The following NAV2 variants were observed in gnomAD, a reference collection of about 807,000 sequenced individuals.
NAV2 encodes neuron navigator 2.
In NAV2, 54 loss-of-function variants were observed where a neutral mutation model predicts 223.2. The ratio of observed to expected loss-of-function variants is 0.24; its 90% CI spans 0.19 to 0.30. NAV2 has a LOEUF of 0.30. Ranked by LOEUF, NAV2 falls within the 10% of genes least tolerant of loss-of-function variation. The probability of loss-of-function intolerance (pLI) is 1.00; values close to 1 mark genes in which losing one functional copy is unlikely to be tolerated. For synonymous variants in NAV2, 1,279 were observed against 1,239.3 expected (o/e 1.03, Z -0.67); for missense variants, 2,806 against 3,147.5 (o/e 0.89, Z 2.60).
In NAV2 at chr11:19,385,911, G is replaced by A. The variant is rs574836622; in HGVS notation, c.75+34884G>A. Among the ~76,000 whole-genome samples, 29 of 152,024 alleles carry A rather than the reference G, an allele frequency of 1.9e-4. 1 individual carries two copies. The East Asian group carries it at 4.9e-3, about 25-fold the overall frequency. On this transcript the variant is annotated intron_variant, in intron 1 of 37. Transcript: ENST00000360655. The stretch of plus-strand genomic sequence containing the variant: ...CGAGTAGCTGGGACTACAGGCGCCC[G>A]CCACCATGCCTGGCTAATTTTTTTG...
Position 19,420,664 on chromosome 11 carries a change from T to C in NAV2, c.75+69637T>C, listed in dbSNP as rs563177998. Reference sequence around the variant, plus strand: ...AGACACAAGACTCCATACGTACGATTTCACTTCTATAAAGTTCCAAATAGG... The same window carrying C: ...AGACACAAGACTCCATACGTACGATCTCACTTCTATAAAGTTCCAAATAGG... On this transcript the variant is annotated intron_variant, in intron 1 of 37. Transcript: ENST00000360655. Among the ~76,000 whole-genome samples, 36 of 152,332 alleles carry C rather than the reference T, an allele frequency of 2.4e-4. 1 individual carries two copies. In the South Asian group the frequency reaches 7.3e-3, roughly 31 times the overall value.
intron 1 of NAV2, among the ~76,000 whole-genome samples, chr11:19,433,318 G>C (rs1202606797): frequency 6.6e-6 from 1 of 152,056 alleles, no homozygotes; most frequent in Non-Finnish European, 1.5e-5. Flanking sequence ...CATCAAAGAG[G>C]GCAAGCAGAA....
At chr11:19,694,998 G>C (rs886994072) in intron 1 of NAV2, among the ~76,000 whole-genome samples, 3 of 152,224 alleles carry the variant, frequency 2.0e-5, no homozygotes, top group Non-Finnish European at 4.4e-5. Flanking sequence ...CAGCAGCAAA[G>C]TGCTATCCAG....
intron 1 of NAV2, among the ~76,000 whole-genome samples, chr11:19,522,596 C>G (rs1312195134): frequency 6.6e-6 from 1 of 152,212 alleles, no homozygotes; most frequent in African/African-American, 2.4e-5. Flanking sequence ...TGGAGTGCCA[C>G]TGGTGTGTGT....
intron 1 of NAV2, among the ~76,000 whole-genome samples, chr11:19,552,987 C>T (rs938482050): frequency 1.3e-5 from 2 of 152,166 alleles, no homozygotes; most frequent in Non-Finnish European, 2.9e-5. Context: ...TTTTCTTGTC[C>T]TCTGCAATTG....
intron 11 of NAV2, among the ~76,000 whole-genome samples, chr11:19,988,402 G>T (rs1375785636): frequency 1.3e-5 from 2 of 149,918 alleles, no homozygotes; most frequent in Non-Finnish European, 3.0e-5. Context: ...ATTAATTTAG[G>T]CGATAAGGCC....
At chr11:20,081,612 A>G (rs1476739986) in intron 25 of NAV2, among the ~76,000 whole-genome samples, 4 of 152,150 alleles carry the variant, frequency 2.6e-5, no homozygotes, top group Non-Finnish European at 5.9e-5. Context: ...TGTTTCTGTG[A>G]CTGCTCTCTG....
intron 11 of NAV2, among the ~76,000 whole-genome samples, chr11:20,005,260 T>A (rs761008574): frequency 0.58 from 84,024 of 145,002 alleles, 28,047 homozygotes; most frequent in South Asian, 0.74. Flanking sequence ...TATATTTTTT[T>A]TTTTTTTTGA....
At chr11:19,613,151 C>T (rs946497725) in intron 1 of NAV2, among the ~76,000 whole-genome samples, 4 of 152,066 alleles carry the variant, frequency 2.6e-5, no homozygotes, top group African/African-American at 7.2e-5. Context: ...TCAATTACCC[C>T]GCCCCCGCCG....
chr11:19,778,073 CT>C, intron 1 of NAV2: 1 of 426,862 alleles, frequency 2.3e-6, no homozygotes, highest in Non-Finnish European at 4.8e-6. Context: ...GGTGCAGGTA[CT>C]TTTTCCCTCC....
chr11:20,080,288 G>C (rs2060009974), intron 25 of NAV2, 79 bp downstream of exon 25: 2 of 1,356,740 alleles, frequency 1.5e-6, no homozygotes, highest in South Asian at 1.3e-5. Flanking sequence ...CCCAGATAAA[G>C]TCCAGCCCAG....
intron 1 of NAV2, among the ~76,000 whole-genome samples, chr11:19,797,735 T>C (rs1049149487): frequency 2.0e-5 from 3 of 152,166 alleles, no homozygotes; most frequent in African/African-American, 7.2e-5. Flanking sequence ...TCTGCCACTC[T>C]GTGTGGGGAG....
chr11:20,110,274 A>C (rs888033401), intron 36 of NAV2, among the ~76,000 whole-genome samples: 3 of 152,190 alleles, frequency 2.0e-5, no homozygotes, highest in African/African-American at 7.2e-5. Flanking sequence ...CTCAAAAGTG[A>C]GTCACTATGC....
chr11:19,866,041 C>T (rs2062069752), intron 3 of NAV2, among the ~76,000 whole-genome samples: 1 of 152,256 alleles, frequency 6.6e-6, no homozygotes, highest in Non-Finnish European at 1.5e-5. Context: ...ATCTGACTTC[C>T]TTACCTCACT....
chr11:19,982,431 G>A (rs374254471), intron 10 of NAV2, among the ~76,000 whole-genome samples: 15 of 151,862 alleles, frequency 9.9e-5, no homozygotes, highest in East Asian at 5.8e-4. Context: ...CCACGTGCCC[G>A]GCTAAAAATT....
intron 10 of NAV2, among the ~76,000 whole-genome samples, chr11:19,972,104 C>T (rs1212313134): frequency 6.6e-6 from 1 of 152,204 alleles, no homozygotes; most frequent in East Asian, 1.9e-4. Context: ...TTAGATGTGG[C>T]TTTTCAGAAT....
At chr11:19,403,681 C>T (rs527802217) in intron 1 of NAV2, among the ~76,000 whole-genome samples, 18 of 152,248 alleles carry the variant, frequency 1.2e-4, no homozygotes, top group African/African-American at 3.6e-4. Flanking sequence ...GAGAACAAAA[C>T]GGGCAAAGTC....
chr11:19,986,175 C>G (rs900379619), intron 11 of NAV2, among the ~76,000 whole-genome samples: 3 of 152,138 alleles, frequency 2.0e-5, no homozygotes, highest in Admixed American at 2.0e-4. Flanking sequence ...AGCTTGTTTC[C>G]TGCTTCTGGA....
At chr11:19,876,209 G>T (rs944716996) in intron 4 of NAV2, among the ~76,000 whole-genome samples, 3 of 152,028 alleles carry the variant, frequency 2.0e-5, no homozygotes, top group African/African-American at 7.3e-5. Context: ...TGTATTTTTA[G>T]TAGAGACGGT....
Sources: allele counts gnomAD v4.1 joint callset (sites outside exome capture counted in the v4.1 genomes callset), GRCh38; gene constraint gnomAD v4.1.1; transcripts MANE v1.5; gene names NCBI Gene and HGNC (gene_info 2026-07-23, HGNC 2026-07-21).